The following LRIG1 variants were observed in gnomAD, a reference collection of about 807,000 sequenced individuals.
LRIG1 encodes the protein leucine rich repeats and immunoglobulin like domains 1, also known as leucine-rich repeats and immunoglobulin-like domains protein 1.
Under a neutral mutation model 99.2 loss-of-function variants are expected in LRIG1, and 48 were observed. That is an observed-to-expected ratio of 0.48 (90% CI 0.38 to 0.62). The LOEUF (loss-of-function observed/expected upper bound fraction) is 0.62. Ranked by LOEUF, LRIG1 falls within the 20% of genes least tolerant of loss-of-function variation. The pLI is 0.00. For missense variants in LRIG1, 1,646 were observed against 1,434.4 expected (o/e 1.15, Z -2.38); for synonymous variants, 772 against 596.1 (o/e 1.29, Z -4.30).
At chr3:66,413,410 C>T (rs1702529367) in intron 5 of LRIG1, among the ~76,000 whole-genome samples, 1 of 152,238 alleles carries the variant, frequency 6.6e-6, no homozygotes, top group South Asian at 2.1e-4. Flanking sequence ...CTGAGCTCAG[C>T]AACAGAAATC....
At chr3:66,426,323 T>C (rs1290467508) in intron 3 of LRIG1, among the ~76,000 whole-genome samples, 1 of 152,180 alleles carries the variant, frequency 6.6e-6, no homozygotes, top group Non-Finnish European at 1.5e-5. Context: ...CCAATAAAAC[T>C]TTATTTACAA....
intron 1 of LRIG1, among the ~76,000 whole-genome samples, chr3:66,486,736 C>T (rs58611882): frequency 0.053 from 8,081 of 152,252 alleles, 728 homozygotes; most frequent in African/African-American, 0.18. Context: ...CACAGACTCA[C>T]GTCCAATCAC....
chr3:66,422,440 C>A (rs1424990675), intron 3 of LRIG1, among the ~76,000 whole-genome samples: 1 of 152,204 alleles, frequency 6.6e-6, no homozygotes, highest in Non-Finnish European at 1.5e-5. Context: ...CAAAGTTCCA[C>A]AAATCTCTAG....
intron 2 of LRIG1, among the ~76,000 whole-genome samples, chr3:66,462,020 A>T (rs13092294): frequency 6.6e-6 from 1 of 152,018 alleles, no homozygotes; most frequent in Non-Finnish European, 1.5e-5. Flanking sequence ...CAAGGCGCGC[A>T]GATCACATGA....
Position 66,500,489 on chromosome 3 carries a change from C to G in LRIG1, c.-82G>C. The G allele has an allele frequency of 1.3e-6, 1 of 773,514 alleles. No individual in the cohort carries two copies. The highest frequency in any genetic ancestry group is 1.8e-6 in the Non-Finnish European group (1 of 548,006). The allele number at this position is 773,514 out of a possible 1,614,324, so 47.9% of individuals were successfully genotyped here. A position where few individuals can be genotyped will look rare whatever the true frequency, so the allele number is the denominator to read the frequency against. On this transcript the variant is annotated 5_prime_UTR_variant, in exon 1 of 19. Coordinates refer to ENST00000273261, the MANE Select transcript of LRIG1 (RefSeq NM_015541.3). ...CGCAGACGCGGGCGGGCCCGCGGGG[C>G]GCTCCGCTCGGCTCTAGACTCCGCA... is the stretch of plus-strand genomic sequence containing the variant.
chr3:66,492,650 C>T (rs1701129279), intron 1 of LRIG1, among the ~76,000 whole-genome samples: 1 of 152,118 alleles, frequency 6.6e-6, no homozygotes, highest in South Asian at 2.1e-4. Context: ...GCCATGCTTT[C>T]TTTAAACCCT....
rs143299609 is a variant in LRIG1, at chr3:66,382,387, C to T, written c.2503G>A (p.Val835Met). Reference protein sequence around the residue: ...YSVTNTDETVVPPDVPSYLSS... With the variant: ...YSVTNTDETVMPPDVPSYLSS... ...AGGTAGCTTGGAACATCTGGTGGCA[C>T]GACGGTTTCATCTGCAAGGAGACAG... is the stretch of plus-strand genomic sequence containing the variant. The change falls in exon 16 of 19, where the codon GTG becomes ATG. Residue 835 changes from valine to methionine, a missense_variant. Val to Met is a conservative substitution (Grantham distance 21). Transcript: ENST00000273261. The T allele has an allele frequency of 2.0e-4, 321 of 1,614,164 alleles. 4 individuals are homozygous for T. In the South Asian group the frequency reaches 2.8e-3, roughly 14 times the overall value.
chr3:66,386,297 G>A lies in LRIG1; in HGVS notation c.1473C>T (p.Asp491=), dbSNP rs748919471. ...SVPPESFVCD[D]FLKPQIITQP... Reference sequence around the variant, plus strand: ...GGGTGATGATCTGTGGCTTCAGGAAGTCATCTGGGGAGAGAAGGGTCAACT... The same window carrying A: ...GGGTGATGATCTGTGGCTTCAGGAAATCATCTGGGGAGAGAAGGGTCAACT... Residue 491 remains aspartate (D), a synonymous_variant, in exon 13 of 19, where the codon GAC becomes GAT. Coordinates refer to ENST00000273261, the MANE Select transcript of LRIG1 (RefSeq NM_015541.3). 3 of 1,613,474 alleles carry A rather than the reference G, an allele frequency of 1.9e-6. No homozygotes were observed. The highest frequency in any genetic ancestry group is 2.5e-6 in the Non-Finnish European group (3 of 1,179,602).
intron 3 of LRIG1, among the ~76,000 whole-genome samples, chr3:66,436,815 C>CA (rs113766174): frequency 0.039 from 5,996 of 152,198 alleles, 384 homozygotes; most frequent in African/African-American, 0.14. Flanking sequence ...CTCATGCTCC[C>CA]AAAATCTCCC....
At chr3:66,439,782 T>C (rs1703482325) in intron 3 of LRIG1, among the ~76,000 whole-genome samples, 1 of 152,108 alleles carries the variant, frequency 6.6e-6, no homozygotes, top group Admixed American at 6.5e-5. Context: ...AAATCCACAG[T>C]TGAATTCTGT....
intron 1 of LRIG1, among the ~76,000 whole-genome samples, chr3:66,475,705 C>T (rs1395665147): frequency 2.0e-5 from 3 of 152,160 alleles, no homozygotes; most frequent in Non-Finnish European, 4.4e-5. Context: ...AGGGAGAAAA[C>T]CATCCACTCT....
At chr3:66,402,966 G>GT (rs765374145) in intron 9 of LRIG1, among the ~76,000 whole-genome samples, 6 of 152,168 alleles carry the variant, frequency 3.9e-5, no homozygotes, top group Non-Finnish European at 5.9e-5. Flanking sequence ...CTCAACACCT[G>GT]TGATAGGCCA....
At chr3:66,428,042 G>A (rs999464186) in intron 3 of LRIG1, among the ~76,000 whole-genome samples, 5 of 152,042 alleles carry the variant, frequency 3.3e-5, no homozygotes, top group East Asian at 1.9e-4. Context: ...TATTGTTGAC[G>A]GACATTGAGT....
intron 3 of LRIG1, among the ~76,000 whole-genome samples, chr3:66,448,744 C>G (rs1057487405): frequency 3.3e-5 from 5 of 152,156 alleles, no homozygotes; most frequent in African/African-American, 1.2e-4. Context: ...GCTCTATTCT[C>G]TCTGCATATT....
chr3:66,380,293 CCT>C lies in LRIG1; in HGVS notation c.3250_3251del (p.Arg1084GlyfsTer28), dbSNP rs768536483. On this transcript the variant is annotated frameshift_variant, in exon 19 of 19. Coordinates refer to ENST00000273261, the MANE Select transcript of LRIG1 (RefSeq NM_015541.3). LOFTEE classifies it high-confidence loss of function. ...PLTGQLPGKQ[R>X]VPLLLAPKS is the part of the protein sequence containing the mutation. ...TTTTTGGTGCCAACAGCAGTGGCAC[CCT>C]CTGTTTCCCGGGGAGCTGTCCTGTC... 4 of 1,613,606 alleles carry C rather than the reference CCT, an allele frequency of 2.5e-6. No individual in the cohort carries two copies. The highest frequency in any genetic ancestry group is 1.7e-5 in the Admixed American group (1 of 60,016).
chr3:66,411,330 G>A (rs567361131), intron 6 of LRIG1, among the ~76,000 whole-genome samples: 36 of 152,294 alleles, frequency 2.4e-4, no homozygotes, highest in African/African-American at 8.2e-4. Flanking sequence ...AGCACTTAAT[G>A]TATAAATAAC....
chr3:66,399,507 T>C (rs1701978253), intron 9 of LRIG1, among the ~76,000 whole-genome samples: 1 of 152,126 alleles, frequency 6.6e-6, no homozygotes, highest in African/African-American at 2.4e-5. Context: ...GCATGGTGGC[T>C]CACACCTGTA....
intron 3 of LRIG1, among the ~76,000 whole-genome samples, chr3:66,427,643 A>T (rs765482060): frequency 2.0e-4 from 31 of 152,238 alleles, no homozygotes; most frequent in African/African-American, 3.4e-4. Context: ...TCTTAAAAAA[A>T]TTTTTTTTAA....
intron 3 of LRIG1, among the ~76,000 whole-genome samples, chr3:66,435,598 A>C (rs1703328895): frequency 6.6e-6 from 1 of 152,056 alleles, no homozygotes; most frequent in African/African-American, 2.4e-5. Flanking sequence ...ACAAAAGACA[A>C]CCAAGGGTGT....
Sources: gnomAD v4.1 joint callset for allele counts (sites outside exome capture counted in the v4.1 genomes callset) on GRCh38, gnomAD v4.1.1 for gene constraint, MANE v1.5 for transcripts, NCBI Gene and HGNC (gene_info 2026-07-23, HGNC 2026-07-21) for gene names.